Variants in FOSL2 observed in about 807,000 individuals in gnomAD.
FOSL2 encodes the protein fos-related antigen 2.
FOSL2 carries 3 observed loss-of-function variants against 27.7 expected under a neutral mutation model. The ratio of observed to expected loss-of-function variants is 0.11; its 90% CI spans 0.05 to 0.28. The LOEUF (loss-of-function observed/expected upper bound fraction) is 0.28, where lower values mean the gene tolerates loss of function less well. Ranked by LOEUF, FOSL2 falls within the 10% of genes least tolerant of loss-of-function variation. The pLI, the probability that FOSL2 is intolerant of heterozygous loss-of-function variation, is 1.00. For synonymous variants in FOSL2, 179 were observed against 190.1 expected (o/e 0.94, Z 0.48); for missense variants, 333 against 445.1 (o/e 0.75, Z 2.27).
intron 3 of FOSL2, chr2:28,410,677 A>G (rs909170570): frequency 3.4e-6 from 1 of 290,818 alleles, no homozygotes; most frequent in African/African-American, 2.3e-5. Context: ...CTCCACGTGC[A>G]CTTGCTCGCT....
chr2:28,400,181 G>T (rs562557893), intron 1 of FOSL2, among the ~76,000 whole-genome samples: 1 of 152,214 alleles, frequency 6.6e-6, no homozygotes, highest in African/African-American at 2.4e-5. Context: ...TACCTCTCCT[G>T]ATCCCATCAC....
In FOSL2 at chr2:28,408,770, A is replaced by G. The variant is rs1395700229; in HGVS notation, c.366A>G (p.Glu122=). The G allele has an allele frequency of 2.5e-6, 4 of 1,609,876 alleles. No homozygotes were observed. Among genetic ancestry groups the G allele is most frequent in the African/African-American group, 1.3e-5 (1 of 74,806 alleles). The change falls in exon 3 of 4, where the codon GAA becomes GAG. Residue 122 remains glutamate (E), a synonymous_variant. Transcript: ENST00000264716. The surrounding 1 kb of genome is among the most constrained non-coding windows in gnomAD (Gnocchi z 4.1). ...GCTTTGGCCTCTAGCTGTCTCCTGA[A>G]GAGGAGGAGAAGCGTCGCATCCGGC... ...RRRRDEQLSP[E]EEEKRRIRRE...
chr2:28,411,568 T>A (rs986144661), intron 3 of FOSL2, among the ~76,000 whole-genome samples: 2 of 152,192 alleles, frequency 1.3e-5, no homozygotes, highest in Non-Finnish European at 2.9e-5. Context: ...AGAACCCCTC[T>A]GAACCTCAGT....
At position 28,398,687 on chromosome 2, in the gene FOSL2, G is replaced by C. The variant is rs149337572; in HGVS notation, c.102+4865G>C. Among the ~76,000 whole-genome samples the C allele has an allele frequency of 6.5e-3, 985 of 152,368 alleles. 15 individuals carry two copies. Among genetic ancestry groups the C allele is most frequent in the African/African-American group, 0.022 (934 of 41,584 alleles). ...AAGTCTTTCAAGGGAACCCAGGAAA[G>C]CGTGGAGGCTGAAGGGAGGCGAGTC... On this transcript the variant is annotated intron_variant, in intron 1 of 3. Transcript: ENST00000264716.
rs1480646320 is a variant in FOSL2, at chr2:28,393,625, C to T, written c.-96C>T. The T allele has an allele frequency of 2.2e-6, 2 of 897,956 alleles. No homozygotes were observed. The highest frequency in any genetic ancestry group is 3.6e-5 in the African/African-American group (2 of 56,298). The allele number at this position is 897,956 out of a possible 1,614,324, so 55.6% of individuals were successfully genotyped here. A position where few individuals can be genotyped will look rare whatever the true frequency, so the allele number is the denominator to read the frequency against. On this transcript the variant is annotated 5_prime_UTR_variant, in exon 1 of 4. Coordinates refer to ENST00000264716, the MANE Select transcript of FOSL2 (RefSeq NM_005253.4). This position sits in a 1 kb window ranked among gnomAD's most constrained non-coding sequence, Gnocchi z 4.6. ...CGAAGCCCAGAGCCCGCGGCGCGGC[C>T]GGCGGACGAACGAGCGCGCAGCAGC...
At position 28,413,280 on chromosome 2, in the gene FOSL2, C is replaced by T. The variant is rs1190518701; in HGVS notation, c.*832C>T. On this transcript the variant is annotated 3_prime_UTR_variant, in exon 4 of 4. Transcript: ENST00000264716. The stretch of plus-strand genomic sequence containing the variant: ...CAGGAAGCATGCCAACAAAGCCACA[C>T]GGGTGTCCTAGCCAGCTTCCCTTCA... The T allele has an allele frequency of 2.6e-5, 10 of 391,742 alleles. No individual in the cohort carries two copies. Among genetic ancestry groups the T allele is most frequent in the African/African-American group, 6.2e-5 (3 of 48,496 alleles). 24.3% of individuals were successfully genotyped at this position (391,742 alleles called of 1,614,324 possible).
chr2:28,408,427 G>C lies in FOSL2; in HGVS notation c.355-332G>C, dbSNP rs978581366. ...AAGCATCCCCAGCTCCTTCTCTCTGGCCTGAGCACTGAATCAGGGCTGATG... is the reference window on the plus strand; with the variant it reads ...AAGCATCCCCAGCTCCTTCTCTCTGCCCTGAGCACTGAATCAGGGCTGATG... On this transcript the variant is annotated intron_variant, in intron 2 of 3. Coordinates refer to ENST00000264716, the MANE Select transcript of FOSL2 (RefSeq NM_005253.4). The surrounding 1 kb of genome is among the most constrained non-coding windows in gnomAD (Gnocchi z 4.1). Among the ~76,000 whole-genome samples the C allele has an allele frequency of 6.6e-6, 1 of 152,162 alleles. No individual in the cohort carries two copies. Among genetic ancestry groups the C allele is most frequent in the Non-Finnish European group, 1.5e-5 (1 of 68,038 alleles).
At chr2:28,397,451 T>C (rs1338684312) in intron 1 of FOSL2, among the ~76,000 whole-genome samples, 4 of 152,152 alleles carry the variant, frequency 2.6e-5, no homozygotes, top group Non-Finnish European at 5.9e-5. Flanking sequence ...AACAAAATGT[T>C]ATCCCAAGAA....
chr2:28,395,290 G>A (rs1299968632), intron 1 of FOSL2, among the ~76,000 whole-genome samples: 2 of 152,184 alleles, frequency 1.3e-5, no homozygotes, highest in African/African-American at 2.4e-5. Context: ...TCCGTCTCCC[G>A]TTCGACAAAC....
At chr2:28,402,532 G>A (rs1003840493) in intron 1 of FOSL2, among the ~76,000 whole-genome samples, 12 of 152,350 alleles carry the variant, frequency 7.9e-5, no homozygotes, top group Middle Eastern at 3.4e-3. Context: ...CCATTGCTGC[G>A]AATGCTTCTA....
chr2:28,401,975 C>G (rs1354501944), intron 1 of FOSL2, among the ~76,000 whole-genome samples: 1 of 151,826 alleles, frequency 6.6e-6, no homozygotes, highest in Non-Finnish European at 1.5e-5. Context: ...AACTTTTCTC[C>G]AGAATGCCAG....
In FOSL2 at chr2:28,404,078, C is replaced by T. The variant is rs768129221; in HGVS notation, c.103-29C>T. 3 of 1,612,696 alleles carry T rather than the reference C, an allele frequency of 1.9e-6. No homozygotes were observed. The highest frequency in any genetic ancestry group is 2.2e-5 in the South Asian group (2 of 90,956). ...TCCTGTTCAGCTTAGTATTTATTGG[C>T]TCATTTGTATTTTTTTTCCTCATTT... On this transcript the variant is annotated intron_variant, in intron 1 of 3. Transcript: ENST00000264716. This position sits in a 1 kb window ranked among gnomAD's most constrained non-coding sequence, Gnocchi z 4.7.
intron 3 of FOSL2, among the ~76,000 whole-genome samples, chr2:28,410,033 G>T (rs1203051834): frequency 6.6e-6 from 1 of 152,178 alleles, no homozygotes; most frequent in Non-Finnish European, 1.5e-5. Context: ...GAGCCACCAC[G>T]CCTGGCCCAT....
At position 28,413,830 on chromosome 2, in the gene FOSL2, T is replaced by C. The variant is rs930066431; in HGVS notation, c.*1382T>C. 7.5e-6 allele frequency: 3 copies of C among 398,782 alleles called. No homozygotes were observed. Among genetic ancestry groups the C allele is most frequent in the East Asian group, 3.6e-5 (1 of 28,098 alleles). 24.7% of individuals were successfully genotyped at this position (398,782 alleles called of 1,614,324 possible). A position where few individuals can be genotyped will look rare whatever the true frequency, so the allele number is the denominator to read the frequency against. ...AGCTGTCGCTGTGGCTTGTGGCTCA[T>C]GCGCCATTCCTGGTTGTCTGTTGAA... On this transcript the variant is annotated 3_prime_UTR_variant, in exon 4 of 4. Transcript: ENST00000264716.
chr2:28,406,815 C>G (rs575320444), intron 2 of FOSL2, among the ~76,000 whole-genome samples: 1 of 152,234 alleles, frequency 6.6e-6, no homozygotes, highest in Admixed American at 6.5e-5. Flanking sequence ...CAGCCTCCCC[C>G]AGCCTCCCTG....
rs932854148 is a variant in FOSL2 at position 28,415,572 on chromosome 2, C to G, written c.*3124C>G. ...GGTTGAATTGTCTGGAGCACTGGGA[C>G]TTTTTTTCTCTTTTCCTTGATGGAC... On this transcript the variant is annotated 3_prime_UTR_variant, in exon 4 of 4. Coordinates refer to ENST00000264716, the MANE Select transcript of FOSL2 (RefSeq NM_005253.4). The G allele has an allele frequency of 6.6e-6, 1 of 152,200 alleles. No individual in the cohort carries two copies. The highest frequency in any genetic ancestry group is 6.5e-5 in the Admixed American group (1 of 15,278). 9.4% of individuals were successfully genotyped at this position (152,200 alleles called of 1,614,324 possible).
Position 28,393,518 on chromosome 2 carries a change from A to AAGGGACGCTCG in FOSL2, c.-202_-192dup, listed in dbSNP as rs1325082777. ...TCGCAGAGCCGGAAAGAAGTGCTGT[A>AAGGGACGCTCG]AGGGACGCTCGGGGGACGCTGTTCC... On this transcript the variant is annotated 5_prime_UTR_variant, in exon 1 of 4. Transcript: ENST00000264716. This position sits in a 1 kb window ranked among gnomAD's most constrained non-coding sequence, Gnocchi z 4.6. 11 of 545,460 alleles carry AAGGGACGCTCG rather than the reference A, an allele frequency of 2.0e-5. No individual in the cohort carries two copies. In the African/African-American group the frequency reaches 2.1e-4, roughly 10 times the overall value. The allele number at this position is 545,460 out of a possible 1,614,324, so 33.8% of individuals were successfully genotyped here. A position where few individuals can be genotyped will look rare whatever the true frequency, so the allele number is the denominator to read the frequency against.
At chr2:28,410,446 C>G (rs1558569887) in intron 3 of FOSL2, 4 of 787,882 alleles carry the variant, frequency 5.1e-6, no homozygotes, top group Non-Finnish European at 6.2e-6. Context: ...CCCAGCCACC[C>G]AGGCCCCTGA....
At position 28,404,001 on chromosome 2, in the gene FOSL2, A is replaced by G; in HGVS notation, c.103-106A>G. 7.3e-7 allele frequency: 1 copy of G among 1,369,222 alleles called. No individual in the cohort carries two copies. 84.8% of individuals were successfully genotyped at this position (1,369,222 alleles called of 1,614,324 possible). On this transcript the variant is annotated intron_variant, in intron 1 of 3. Coordinates refer to ENST00000264716, the MANE Select transcript of FOSL2 (RefSeq NM_005253.4). This position sits in a 1 kb window ranked among gnomAD's most constrained non-coding sequence, Gnocchi z 4.7. ...TCCTGACCTTGCCCTTCGAACACTG[A>G]CTGTGCTCTGTGCTGGTTTTTGCCT...
Sources: gnomAD v4.1 joint callset for allele counts (sites outside exome capture counted in the v4.1 genomes callset) on GRCh38, gnomAD v4.1.1 for gene constraint, Gnocchi (gnomAD v3.1) non-coding constraint, MANE v1.5 for transcripts, NCBI Gene and HGNC (gene_info 2026-07-23, HGNC 2026-07-21) for gene names.